ACSF2: variants seen among roughly 807,000 people sequenced by gnomAD.
ACSF2 encodes medium-chain acyl-CoA ligase ACSF2, mitochondrial.
In ACSF2, 52 loss-of-function variants were observed where a neutral mutation model predicts 79.3. The observed-to-expected ratio is 0.66, with a 90% CI of 0.53 to 0.83. ACSF2 has a LOEUF of 0.83. Ranked by LOEUF, ACSF2 falls within the 40% of genes least tolerant of loss-of-function variation. ACSF2 has a pLI of 0.00. For missense variants in ACSF2, 661 were observed against 803.3 expected (o/e 0.82, Z 2.14); for synonymous variants, 283 against 312.6 (o/e 0.91, Z 1.00).
Position 50,464,239 on chromosome 17 carries a change from C to T in ACSF2, c.1160C>T (p.Ala387Val). The T allele has an allele frequency of 1.2e-6, 2 of 1,614,192 alleles. No individual in the cohort carries two copies. The highest frequency in any genetic ancestry group is 1.1e-5 in the South Asian group (1 of 91,078). Reference sequence around the variant, plus strand: ...TCAGGTGTCATTGCTGGGTCCCCTGCACCTCCAGAGTTGATCCGAGCCATC... The same window carrying T: ...TCAGGTGTCATTGCTGGGTCCCCTGTACCTCCAGAGTTGATCCGAGCCATC... Reference protein sequence around the residue: ...MCGGVIAGSPAPPELIRAIIN... With the variant: ...MCGGVIAGSPVPPELIRAIIN... Residue 387 changes from alanine to valine, a missense_variant, in exon 10 of 16, where the codon GCA becomes GTA. Physicochemically the swap from Ala to Val is moderately conservative, Grantham distance 64. Transcript: ENST00000300441.
At chr17:50,428,721 G>T (rs961013980) in intron 1 of ACSF2, among the ~76,000 whole-genome samples, 6 of 152,224 alleles carry the variant, frequency 3.9e-5, no homozygotes, top group African/African-American at 1.4e-4. Flanking sequence ...AGCGGAGGTT[G>T]CACTGAGCTG....
At chr17:50,465,541 C>T in intron 10 of ACSF2, 1 of 1,488,410 alleles carries the variant, frequency 6.7e-7, no homozygotes, top group Non-Finnish European at 9.2e-7. Flanking sequence ...ACAGGATAGT[C>T]TGAAGCTGTC....
Position 50,448,139 on chromosome 17 carries a change from G to A in ACSF2, c.129-12538G>A, listed in dbSNP as rs190723521. Among the ~76,000 whole-genome samples the A allele has an allele frequency of 6.8e-5, 10 of 147,654 alleles. 1 individual carries two copies. The highest frequency in any genetic ancestry group is 4.7e-4 in the Admixed American group (7 of 14,958). On this transcript the variant is annotated intron_variant, in intron 1 of 15. Coordinates refer to ENST00000300441, the MANE Select transcript of ACSF2 (RefSeq NM_025149.6). ...CACTTACACAAATCTAGATGGTAGA[G>A]CCTATTACACACCTAGAGCCTGTGC...
intron 10 of ACSF2, among the ~76,000 whole-genome samples, chr17:50,467,053 A>G (rs140738086): frequency 2.6e-5 from 4 of 152,312 alleles, no homozygotes; most frequent in Admixed American, 2.6e-4. Context: ...TCCAGTAACC[A>G]GACTCTCCTC....
At chr17:50,439,054 AAAC>A (rs1279603672) in intron 1 of ACSF2, among the ~76,000 whole-genome samples, 3 of 152,142 alleles carry the variant, frequency 2.0e-5, no homozygotes, top group African/African-American at 7.2e-5. Context: ...GTGTATCAAT[AAAC>A]AATACATATT....
chr17:50,459,999 A>T (rs1025513443), intron 1 of ACSF2, among the ~76,000 whole-genome samples: 3 of 152,116 alleles, frequency 2.0e-5, no homozygotes, highest in African/African-American at 7.2e-5. Flanking sequence ...GCCTTGTGAC[A>T]TCATCTGAGA....
chr17:50,440,630 A>G (rs543876017), intron 1 of ACSF2, among the ~76,000 whole-genome samples: 92 of 152,300 alleles, frequency 6.0e-4, no homozygotes, highest in Non-Finnish European at 9.8e-4. Context: ...CTAGCCCCCG[A>G]CTTTAGTTGC....
chr17:50,455,994 T>C (rs542968987), intron 1 of ACSF2, among the ~76,000 whole-genome samples: 2 of 152,228 alleles, frequency 1.3e-5, no homozygotes, highest in Non-Finnish European at 2.9e-5. Flanking sequence ...CCAGTTTTGC[T>C]CCTTCTGCCT....
At chr17:50,442,714 C>T (rs1342217095) in intron 1 of ACSF2, among the ~76,000 whole-genome samples, 2 of 152,142 alleles carry the variant, frequency 1.3e-5, no homozygotes. Flanking sequence ...ATTTTCCTGC[C>T]TTGGCATCCC....
intron 1 of ACSF2, among the ~76,000 whole-genome samples, chr17:50,437,244 G>A (rs1206854727): frequency 6.6e-6 from 1 of 152,214 alleles, no homozygotes; most frequent in Non-Finnish European, 1.5e-5. Context: ...GAGATATATT[G>A]GACCAATGAG....
Position 50,465,131 on chromosome 17 carries a change from C to G in ACSF2, c.1215+837C>G, listed in dbSNP as rs184438402. The G allele has an allele frequency of 8.2e-4, 603 of 731,556 alleles. 4 individuals carry two copies. In the Middle Eastern group the frequency reaches 0.01, roughly 13 times the overall value. The allele number at this position is 731,556 out of a possible 1,614,324, so 45.3% of individuals were successfully genotyped here. On this transcript the variant is annotated intron_variant, in intron 10 of 15. Coordinates refer to ENST00000300441, the MANE Select transcript of ACSF2 (RefSeq NM_025149.6). Reference sequence around the variant, plus strand: ...AAAATGGTGGAAGTCCTGGGCAGGACCTTTTCCTCCCTTCAACAGGGGACC... The same window carrying G: ...AAAATGGTGGAAGTCCTGGGCAGGAGCTTTTCCTCCCTTCAACAGGGGACC...
chr17:50,447,732 C>T (rs569514273), intron 1 of ACSF2, among the ~76,000 whole-genome samples: 99 of 152,242 alleles, frequency 6.5e-4, no homozygotes, highest in African/African-American at 2.2e-3. Flanking sequence ...GAGTGAGTTC[C>T]AGTCTGTTAG....
chr17:50,474,094 C>A lies in ACSF2; in HGVS notation c.1728+90C>A. The A allele has an allele frequency of 6.3e-7, 1 of 1,581,172 alleles. No homozygotes were observed. Among genetic ancestry groups the A allele is most frequent in the Non-Finnish European group, 8.7e-7 (1 of 1,155,342 alleles). The stretch of plus-strand genomic sequence containing the variant: ...CCAGCCCAGGGTGGGGATTGCTCTG[C>A]CCTTGACGAAGCTGACTCCTGGCCA... On this transcript the variant is annotated intron_variant, in intron 14 of 15. Coordinates refer to ENST00000300441, the MANE Select transcript of ACSF2 (RefSeq NM_025149.6). The surrounding 1 kb of genome is among the most constrained non-coding windows in gnomAD (Gnocchi z 4.2).
intron 10 of ACSF2, among the ~76,000 whole-genome samples, chr17:50,469,651 C>A (rs1935539358): frequency 6.6e-6 from 1 of 152,206 alleles, no homozygotes; most frequent in East Asian, 1.9e-4. Context: ...CAAGCACAGT[C>A]GCACCATCCC....
At position 50,462,591 on chromosome 17, in the gene ACSF2, G is replaced by T. The variant is rs754843178; in HGVS notation, c.792+6G>T. On this transcript the variant is annotated splice_donor_region_variant and intron_variant, in intron 6 of 15. Coordinates refer to ENST00000300441, the MANE Select transcript of ACSF2 (RefSeq NM_025149.6). The stretch of plus-strand genomic sequence containing the variant: ...TCAACATCCAGTTCACCTCGGTAGG[G>T]CAGAGGTCTCCAGGCCCCAAGCCCA... The T allele has an allele frequency of 1.2e-6, 2 of 1,611,092 alleles. No individual in the cohort carries two copies. The highest frequency in any genetic ancestry group is 4.5e-5 in the East Asian group (2 of 44,778).
At position 50,468,487 on chromosome 17, in the gene ACSF2, G is replaced by A. The variant is rs377690767; in HGVS notation, c.1216-2541G>A. 12 of 1,614,156 alleles carry A rather than the reference G, an allele frequency of 7.4e-6. No homozygotes were observed. In the African/African-American group the frequency reaches 1.3e-4, roughly 18 times the overall value. On this transcript the variant is annotated intron_variant, in intron 10 of 15. Transcript: ENST00000300441. Reference sequence around the variant, plus strand: ...CACCTGCGCGCAGCACGCGGATGTCGTTATGGGACAGGTACAAGTAGATAA... The same window carrying A: ...CACCTGCGCGCAGCACGCGGATGTCATTATGGGACAGGTACAAGTAGATAA...
rs34855383 is a variant in ACSF2, at chr17:50,442,325, A to AT, written c.128+15955dup. Among the ~76,000 whole-genome samples the AT allele has an allele frequency of 8.7e-3, 1,022 of 117,256 alleles. 18 individuals carry two copies. Among genetic ancestry groups the AT allele is most frequent in the African/African-American group, 0.028 (824 of 29,676 alleles). The allele number at this position is 117,256 out of a possible 152,430, so 76.9% of individuals were successfully genotyped here. ...CATCCCAAAAAAACAAAACAAAACA[A>AT]TTTTTTTTTTTTTTTTTTTGTAGAG... On this transcript the variant is annotated intron_variant, in intron 1 of 15. Transcript: ENST00000300441.
At chr17:50,442,092 G>A (rs2030966018) in intron 1 of ACSF2, among the ~76,000 whole-genome samples, 1 of 152,110 alleles carries the variant, frequency 6.6e-6, no homozygotes, top group Admixed American at 6.5e-5. Context: ...ATCACCTGAG[G>A]TCAGAAGTTC....
At chr17:50,465,352 G>A in intron 10 of ACSF2, 1 of 1,614,110 alleles carries the variant, frequency 6.2e-7, no homozygotes, top group Non-Finnish European at 8.5e-7. Context: ...AGCTGCGGAA[G>A]GCGTCCGTGT....
Sources: allele counts gnomAD v4.1 joint callset (sites outside exome capture counted in the v4.1 genomes callset), GRCh38; gene constraint gnomAD v4.1.1; non-coding constraint Gnocchi (gnomAD v3.1); transcripts MANE v1.5; gene names NCBI Gene and HGNC (gene_info 2026-07-23, HGNC 2026-07-21).